YWHAE: variants seen among roughly 807,000 people sequenced by gnomAD.
YWHAE encodes the protein 14-3-3 protein epsilon.
In YWHAE, 4 loss-of-function variants were observed where a neutral mutation model predicts 30.1. That is an observed-to-expected ratio of 0.13 (90% confidence interval 0.07 to 0.30). YWHAE has a LOEUF of 0.30. YWHAE is among the 10% of genes least tolerant of loss of function. The pLI is 1.00. For synonymous variants in YWHAE, 118 were observed against 111.8 expected (o/e 1.06, Z -0.35); for missense variants, 121 against 315.9 (o/e 0.38, Z 4.68).
At chr17:1,347,931 CG>C (rs2072553895) in intron 5 of YWHAE, 1 of 1,003,832 alleles carries the variant, frequency 1.0e-6, no homozygotes, top group Non-Finnish European at 1.2e-6. Context: ...AAACTGAAAG[CG>C]GAATTCACTG....
intron 1 of YWHAE, among the ~76,000 whole-genome samples, chr17:1,365,846 G>A (rs766807249): frequency 3.3e-5 from 5 of 152,132 alleles, no homozygotes; most frequent in Non-Finnish European, 5.9e-5. Context: ...AGGAGTAAGT[G>A]GCTCATACCC....
intron 1 of YWHAE, among the ~76,000 whole-genome samples, chr17:1,366,489 G>A (rs545789586): frequency 2.0e-5 from 3 of 152,058 alleles, no homozygotes; most frequent in Admixed American, 1.3e-4. Flanking sequence ...AACTGAGATC[G>A]CCCCACTGTA....
At chr17:1,394,305 T>C (rs1235992156) in intron 1 of YWHAE, among the ~76,000 whole-genome samples, 1 of 151,970 alleles carries the variant, frequency 6.6e-6, no homozygotes, top group African/African-American at 2.4e-5. Flanking sequence ...TACTGCATAA[T>C]GTCATATACA....
At chr17:1,363,454 C>T (rs1040996932) in intron 2 of YWHAE, among the ~76,000 whole-genome samples, 35 of 151,950 alleles carry the variant, frequency 2.3e-4, no homozygotes, top group South Asian at 2.1e-4. Context: ...TTAGTGGAGA[C>T]GGGGTTTCAC....
At position 1,386,034 on chromosome 17, in the gene YWHAE, A is replaced by G. The variant is rs192626625; in HGVS notation, c.64+14013T>C. 1.2e-3 allele frequency among the ~76,000 whole-genome samples: 180 copies of G among 152,312 alleles called. 1 individual carries two copies. The highest frequency in any genetic ancestry group is 4.1e-3 in the African/African-American group (171 of 41,568). The stretch of plus-strand genomic sequence containing the variant: ...TGCAGGGCACCAGCCTTGGCAGAAT[A>G]CCAGTGACATTTCAAATGTGTTGTC... On this transcript the variant is annotated intron_variant, in intron 1 of 5. Coordinates refer to ENST00000264335, the MANE Select transcript of YWHAE (RefSeq NM_006761.5).
At chr17:1,350,466 G>C (rs557335831) in intron 5 of YWHAE, among the ~76,000 whole-genome samples, 1 of 150,900 alleles carries the variant, frequency 6.6e-6, no homozygotes, top group Admixed American at 6.6e-5. Context: ...CTTTGAGACA[G>C]AGTTTTGCTC....
intron 4 of YWHAE, among the ~76,000 whole-genome samples, chr17:1,359,946 G>C (rs1290393277): frequency 1.5e-4 from 12 of 79,826 alleles, no homozygotes; most frequent in Non-Finnish European, 5.1e-5. Flanking sequence ...GAGGGGGAGG[G>C]GGGGAGAGAG....
chr17:1,386,697 C>A (rs759347876), intron 1 of YWHAE, among the ~76,000 whole-genome samples: 7 of 152,222 alleles, frequency 4.6e-5, no homozygotes, highest in African/African-American at 1.2e-4. Context: ...CGCCTATAAT[C>A]CCAGCTCTCT....
At chr17:1,347,442 A>C (rs2072544272) in intron 5 of YWHAE, among the ~76,000 whole-genome samples, 1 of 152,014 alleles carries the variant, frequency 6.6e-6, no homozygotes, top group Non-Finnish European at 1.5e-5. Context: ...TTTGAACGCC[A>C]CTGCACTCCA....
intron 1 of YWHAE, among the ~76,000 whole-genome samples, chr17:1,380,012 CA>C (rs1027357187): frequency 2.0e-5 from 3 of 151,334 alleles, no homozygotes; most frequent in African/African-American, 7.3e-5. Flanking sequence ...TTTTATTAGA[CA>C]AAAATGACAC....
intron 4 of YWHAE, among the ~76,000 whole-genome samples, chr17:1,360,429 T>A (rs146518459): frequency 6.2e-4 from 94 of 152,290 alleles, no homozygotes; most frequent in South Asian, 1.0e-3. Flanking sequence ...TATAAAATTA[T>A]GTTTGCTACG....
chr17:1,367,258 G>A (rs1387290961), intron 1 of YWHAE, among the ~76,000 whole-genome samples: 2 of 152,140 alleles, frequency 1.3e-5, no homozygotes, highest in South Asian at 2.1e-4. Context: ...GAGGGGAAAT[G>A]TATAAGCACA....
In YWHAE at chr17:1,362,023, ATT is replaced by A; in HGVS notation, c.265-17_265-16del. On this transcript the variant is annotated splice_polypyrimidine_tract_variant and intron_variant, in intron 2 of 5. Coordinates refer to ENST00000264335, the MANE Select transcript of YWHAE (RefSeq NM_006761.5). Reference sequence around the variant, plus strand: ...TCAGTCTCAACCTAAAAAAAAAAAAATTTTTTTTAAATCAGATTAAGTCTAGA... The same window carrying A: ...TCAGTCTCAACCTAAAAAAAAAAAAATTTTTTAAATCAGATTAAGTCTAGA... 7.3e-7 allele frequency: 1 copy of A among 1,378,864 alleles called. No individual in the cohort carries two copies. Among genetic ancestry groups the A allele is most frequent in the African/African-American group, 1.5e-5 (1 of 68,396 alleles). 85.4% of individuals were successfully genotyped at this position (1,378,864 alleles called of 1,614,324 possible).
chr17:1,377,681 T>A (rs1350617695), intron 1 of YWHAE, among the ~76,000 whole-genome samples: 1 of 152,152 alleles, frequency 6.6e-6, no homozygotes, highest in East Asian at 1.9e-4. Flanking sequence ...TAAAGGCTAA[T>A]CAATTAGCCA....
intron 4 of YWHAE, among the ~76,000 whole-genome samples, chr17:1,357,554 ACAG>A (rs2072772328): frequency 6.6e-6 from 1 of 151,530 alleles, no homozygotes; most frequent in South Asian, 2.1e-4. Flanking sequence ...TACTCCAGCC[ACAG>A]CAGCAGAGTG....
intron 4 of YWHAE, among the ~76,000 whole-genome samples, chr17:1,357,242 A>G (rs2072763621): frequency 6.6e-6 from 1 of 151,708 alleles, no homozygotes; most frequent in East Asian, 1.9e-4. Flanking sequence ...TCTCTACTAA[A>G]AATACCAAAA....
At chr17:1,356,191 CACACACACACACACACA>C (rs2072739219) in intron 4 of YWHAE, among the ~76,000 whole-genome samples, 1 of 143,350 alleles carries the variant, frequency 7.0e-6, no homozygotes, top group East Asian at 2.1e-4. Context: ...CACACACACA[CACACACACACACACACA>C]CACACACAAA....
intron 1 of YWHAE, among the ~76,000 whole-genome samples, chr17:1,372,973 T>C (rs1017162837): frequency 2.0e-5 from 3 of 151,742 alleles, no homozygotes; most frequent in African/African-American, 7.3e-5. Flanking sequence ...CCAGGCATGG[T>C]GGCTCACGCA....
chr17:1,356,171 A>ACACACACACACAC (rs2072737906), intron 4 of YWHAE, among the ~76,000 whole-genome samples: 4 of 142,974 alleles, frequency 2.8e-5, no homozygotes, highest in African/African-American at 1.0e-4. Flanking sequence ...TCCGTCTAAA[A>ACACACACACACAC]ACACACACAC....
Sources: allele counts gnomAD v4.1 joint callset (sites outside exome capture counted in the v4.1 genomes callset), GRCh38; gene constraint gnomAD v4.1.1; transcripts MANE v1.5; gene names NCBI Gene and HGNC (gene_info 2026-07-23, HGNC 2026-07-21).